The following SPATS2 variants were observed in gnomAD, a reference collection of about 807,000 sequenced individuals.
SPATS2 encodes spermatogenesis-associated serine-rich protein 2.
A neutral mutation model predicts 63.7 loss-of-function variants in SPATS2; 38 were observed. The observed-to-expected ratio is 0.60, with a 90% CI of 0.46 to 0.78. The LOEUF (loss-of-function observed/expected upper bound fraction) is 0.78. Among genes scored for constraint, SPATS2 ranks in the 30% least tolerant of loss-of-function variants. SPATS2 has a pLI of 0.00. For synonymous variants in SPATS2, 207 were observed against 232.9 expected, an observed-to-expected ratio of 0.89 and a Z score of 1.01; for missense variants, 588 against 666.2, an observed-to-expected ratio of 0.88 and a Z score of 1.29.
At chr12:49,517,968 T>C (rs962738627) in intron 10 of SPATS2, among the ~76,000 whole-genome samples, 18 of 152,172 alleles carry the variant, frequency 1.2e-4, no homozygotes, top group Non-Finnish European at 2.1e-4. Context: ...TCCCTCTTTT[T>C]TCCAAAATGA....
At chr12:49,480,824 C>A (rs1168643791) in intron 3 of SPATS2, among the ~76,000 whole-genome samples, 1 of 151,466 alleles carries the variant, frequency 6.6e-6, no homozygotes, top group African/African-American at 2.4e-5. Context: ...TAAATATGCA[C>A]CCTGGGTATA....
chr12:49,514,543 A>G lies in SPATS2; in HGVS notation c.840-12A>G, dbSNP rs1946807435. 1.2e-6 allele frequency: 2 copies of G among 1,611,132 alleles called. No homozygotes were observed. Among genetic ancestry groups the G allele is most frequent in the Non-Finnish European group, 1.7e-6 (2 of 1,178,802 alleles). On this transcript the variant is annotated splice_polypyrimidine_tract_variant and intron_variant, in intron 9 of 13. Coordinates refer to ENST00000552918, the MANE Select transcript of SPATS2 (RefSeq NM_023071.4). ...TGATCAAACTTTTTATTCCTTTGTC[A>G]TCTTTTCCTAGTTTAATGGATCGAG... is the stretch of plus-strand genomic sequence containing the variant.
intron 2 of SPATS2, among the ~76,000 whole-genome samples, chr12:49,438,234 CTTTG>C (rs1945352881): frequency 6.6e-6 from 1 of 151,984 alleles, no homozygotes; most frequent in South Asian, 2.1e-4. Flanking sequence ...GGTCTGACTT[CTTTG>C]TTTAACAATG....
chr12:49,437,015 C>T (rs1945318897), intron 2 of SPATS2, among the ~76,000 whole-genome samples: 1 of 152,014 alleles, frequency 6.6e-6, no homozygotes, highest in Non-Finnish European at 1.5e-5. Flanking sequence ...GGGGCTGACC[C>T]CCACCTCCCT....
intron 1 of SPATS2, 74 bp downstream of exon 1, chr12:49,367,661 G>A: frequency 1.2e-5 from 2 of 170,786 alleles, no homozygotes; most frequent in Non-Finnish European, 2.4e-5. Flanking sequence ...GCGGGTTGAG[G>A]GAGGAAAAAG....
intron 7 of SPATS2, 113 bp downstream of exon 7, chr12:49,495,115 T>C (rs1946443990): frequency 8.9e-7 from 1 of 1,129,032 alleles, no homozygotes; most frequent in Non-Finnish European, 1.2e-6. Flanking sequence ...CAGTGCTTGC[T>C]GATTAGTCTT....
At chr12:49,516,489 C>T (rs1005980534) in intron 10 of SPATS2, among the ~76,000 whole-genome samples, 5 of 151,854 alleles carry the variant, frequency 3.3e-5, no homozygotes, top group East Asian at 1.9e-4. Flanking sequence ...GGGCTGATCA[C>T]GAGGTCAAGA....
In SPATS2 at chr12:49,496,914, G is replaced by C; in HGVS notation, c.608G>C (p.Arg203Thr). 1 of 1,613,208 alleles carries C rather than the reference G, an allele frequency of 6.2e-7. No individual in the cohort carries two copies. The highest frequency in any genetic ancestry group is 8.5e-7 in the Non-Finnish European group (1 of 1,179,750). ...TCTATTCACAATTCTCAACAACCCAGGAATGCTGCCAAATCTCTCTCAAGA... is the reference window on the plus strand; with the variant it reads ...TCTATTCACAATTCTCAACAACCCACGAATGCTGCCAAATCTCTCTCAAGA... ...MHSIHNSQQPRNAAKSLSRPT... is the reference protein window; with the variant it reads ...MHSIHNSQQPTNAAKSLSRPT... Residue 203 changes from arginine to threonine, a missense_variant, in exon 8 of 14, where the codon AGG becomes ACG. Arg to Thr is a moderately conservative substitution (Grantham distance 71). Transcript: ENST00000552918.
At chr12:49,497,957 A>G (rs1946491790) in intron 8 of SPATS2, among the ~76,000 whole-genome samples, 1 of 151,672 alleles carries the variant, frequency 6.6e-6, no homozygotes, top group Admixed American at 6.6e-5. Context: ...ATGGTGGTCC[A>G]CTCCACTAAA....
chr12:49,521,849 C>A (rs1213510553), intron 11 of SPATS2, among the ~76,000 whole-genome samples: 1 of 152,142 alleles, frequency 6.6e-6, no homozygotes, highest in African/African-American at 2.4e-5. Flanking sequence ...TTTAGGAATT[C>A]AAGGCCGGAA....
chr12:49,442,983 C>G (rs752419621), intron 2 of SPATS2, among the ~76,000 whole-genome samples: 15 of 152,106 alleles, frequency 9.9e-5, no homozygotes, highest in Non-Finnish European at 2.1e-4. Flanking sequence ...AGGTATCTCA[C>G]ATAAGTGGAA....
chr12:49,500,184 C>G lies in SPATS2; in HGVS notation c.818C>G (p.Ala273Gly). The G allele has an allele frequency of 6.2e-7, 1 of 1,602,300 alleles. No individual in the cohort carries two copies. The highest frequency in any genetic ancestry group is 1.1e-5 in the South Asian group (1 of 88,408). ...MDASIKKMKQ[A>G]FAELESCLMD... is the part of the protein sequence containing the mutation. Reference sequence around the variant, plus strand: ...GCCTCCATTAAGAAAATGAAACAAGCCTTTGCTGAATTGGAGAGCTGGTAA... The same window carrying G: ...GCCTCCATTAAGAAAATGAAACAAGGCTTTGCTGAATTGGAGAGCTGGTAA... Residue 273 changes from alanine to glycine, a missense_variant, in exon 9 of 14, where the codon GCC (alanine) becomes GGC (glycine). By Grantham distance (60) the Ala-to-Gly change is moderately conservative. Coordinates refer to ENST00000552918, the MANE Select transcript of SPATS2 (RefSeq NM_023071.4).
intron 2 of SPATS2, among the ~76,000 whole-genome samples, chr12:49,374,958 CAAAAAAAAA>C (rs10687716): frequency 2.4e-4 from 6 of 24,742 alleles, no homozygotes; most frequent in Non-Finnish European, 2.5e-4. Context: ...GGATCTGTCT[CAAAAAAAAA>C]AAAAAAAAAA....
intron 3 of SPATS2, among the ~76,000 whole-genome samples, chr12:49,477,037 G>A (rs112034686): frequency 0.054 from 8,259 of 151,862 alleles, 317 homozygotes; most frequent in Non-Finnish European, 0.077. Context: ...CCTGGGAGGC[G>A]GAGGTTGCAG....
At chr12:49,411,991 G>A (rs946087301) in intron 2 of SPATS2, among the ~76,000 whole-genome samples, 2 of 151,998 alleles carry the variant, frequency 1.3e-5, no homozygotes, top group African/African-American at 2.4e-5. Flanking sequence ...AAAACACATC[G>A]AATTGTATAT....
chr12:49,436,739 C>T (rs1181867479), intron 2 of SPATS2, among the ~76,000 whole-genome samples: 4 of 146,616 alleles, frequency 2.7e-5, no homozygotes. Context: ...GGGGGCTGAC[C>T]CCCCCACATC....
intron 4 of SPATS2, among the ~76,000 whole-genome samples, chr12:49,484,973 A>G (rs1946264682): frequency 6.6e-6 from 1 of 152,232 alleles, no homozygotes; most frequent in South Asian, 2.1e-4. Context: ...TCACTTGGCA[A>G]CATTCCTTAA....
chr12:49,368,642 A>T (rs1260241082), intron 1 of SPATS2, among the ~76,000 whole-genome samples: 1 of 152,226 alleles, frequency 6.6e-6, no homozygotes, highest in East Asian at 1.9e-4. Context: ...AACTTCAAAT[A>T]GGCTGCCTCA....
chr12:49,522,815 TAG>T lies in SPATS2; in HGVS notation c.1077_1078del (p.Glu359AspfsTer7). ...CGAGTAGCCCGGTTCACCTGTGATG[TAG>T]AGACCCTAAAGAAGAGCATTGATTC... On this transcript the variant is annotated frameshift_variant, in exon 12 of 14. Coordinates refer to ENST00000552918, the MANE Select transcript of SPATS2 (RefSeq NM_023071.4). LOFTEE classifies it high-confidence loss of function. 6.2e-7 allele frequency: 1 copy of T among 1,613,752 alleles called. No homozygotes were observed. Among genetic ancestry groups the T allele is most frequent in the South Asian group, 1.1e-5 (1 of 91,072 alleles).
Sources: gnomAD v4.1 joint callset for allele counts (sites outside exome capture counted in the v4.1 genomes callset) on GRCh38, gnomAD v4.1.1 for gene constraint, MANE v1.5 for transcripts, NCBI Gene and HGNC (gene_info 2026-07-23, HGNC 2026-07-21) for gene names.